The following CEP164 variants were observed in gnomAD, a reference collection of about 807,000 sequenced individuals.
CEP164 encodes centrosomal protein of 164 kDa.
A neutral mutation model predicts 182.7 loss-of-function variants in CEP164; 162 were observed. The observed-to-expected ratio is 0.89, with a 90% CI of 0.78 to 1.01. CEP164 has a LOEUF of 1.01. Ranked by LOEUF, CEP164 falls within the 50% of genes least tolerant of loss-of-function variation. CEP164 has a pLI of 0.00. For missense variants in CEP164, 1,735 were observed against 1,790.4 expected (o/e 0.97, Z 0.56); for synonymous variants, 661 against 690.0 (o/e 0.96, Z 0.66).
At chr11:117,338,528 CT>C in intron 2 of CEP164, 37 bp from the exon 3 acceptor site, 32 of 1,475,166 alleles carry the variant, frequency 2.2e-5, no homozygotes, top group Non-Finnish European at 3.0e-5. Flanking sequence ...AGCTTGGTCA[CT>C]GATTTTTCTC....
rs1441576669 is a variant in CEP164, at chr11:117,411,480, TGCTG to T, written c.4164-312_4164-309del. On this transcript the variant is annotated intron_variant, in intron 31 of 32. Coordinates refer to ENST00000278935, the MANE Select transcript of CEP164 (RefSeq NM_014956.5). This position sits in a 1 kb window ranked among gnomAD's most constrained non-coding sequence, Gnocchi z 4.4. ...ACCCTTTGGCCAACTTGAGAGCTGA[TGCTG>T]GCCAAGGATTGAGTTGACAGAGGGG... 2 of 337,852 alleles carry T rather than the reference TGCTG, an allele frequency of 5.9e-6. No homozygotes were observed. The highest frequency in any genetic ancestry group is 8.9e-5 in the Admixed American group (2 of 22,468). The allele number at this position is 337,852 out of a possible 1,614,324, so 20.9% of individuals were successfully genotyped here.
At chr11:117,330,158 C>A (rs2035968663) in intron 1 of CEP164, among the ~76,000 whole-genome samples, 1 of 152,116 alleles carries the variant, frequency 6.6e-6, no homozygotes, top group South Asian at 2.1e-4. Flanking sequence ...GTGAGGCTTT[C>A]CCTGATCTTC....
intron 27 of CEP164, among the ~76,000 whole-genome samples, chr11:117,400,806 G>C (rs548535036): frequency 1.3e-5 from 2 of 152,222 alleles, no homozygotes; most frequent in East Asian, 3.9e-4. Context: ...TTGGTGTATA[G>C]GAATGCTTAT....
intron 15 of CEP164, among the ~76,000 whole-genome samples, chr11:117,389,856 G>T (rs1008487642): frequency 6.6e-6 from 1 of 151,892 alleles, no homozygotes; most frequent in Admixed American, 6.6e-5. Context: ...TTGAGTGAGT[G>T]CCATGCTGAG....
chr11:117,322,261 G>A (rs537582847), intron 1 of CEP164, among the ~76,000 whole-genome samples: 6 of 151,726 alleles, frequency 4.0e-5, no homozygotes, highest in Non-Finnish European at 5.9e-5. Flanking sequence ...GACTACAGGC[G>A]TGTACCACCA....
chr11:117,342,384 A>G (rs900095591), intron 3 of CEP164, among the ~76,000 whole-genome samples: 6 of 152,150 alleles, frequency 3.9e-5, no homozygotes, highest in Non-Finnish European at 7.4e-5. Context: ...CAGCTTAAGC[A>G]TTGATGTCAT....
rs1464512037 is a variant in CEP164, at chr11:117,409,220, G to T, written c.3748+192G>T. The T allele has an allele frequency of 1.1e-5, 8 of 729,414 alleles. No homozygotes were observed. Among genetic ancestry groups the T allele is most frequent in the Admixed American group, 2.8e-5 (1 of 35,956 alleles). The allele number at this position is 729,414 out of a possible 1,614,324, so 45.2% of individuals were successfully genotyped here. A position where few individuals can be genotyped will look rare whatever the true frequency, so the allele number is the denominator to read the frequency against. On this transcript the variant is annotated intron_variant, in intron 29 of 32. Transcript: ENST00000278935. The surrounding 1 kb of genome is among the most constrained non-coding windows in gnomAD (Gnocchi z 4.4). ...GTTTGCCAGCACGTGGGGCTGAAAGGTCAGGGAAGCCCTCTGAATGCTGCA... is the reference window on the plus strand; with the variant it reads ...GTTTGCCAGCACGTGGGGCTGAAAGTTCAGGGAAGCCCTCTGAATGCTGCA...
At chr11:117,329,919 G>T (rs1039214313) in intron 1 of CEP164, among the ~76,000 whole-genome samples, 4 of 145,048 alleles carry the variant, frequency 2.8e-5, no homozygotes, top group Admixed American at 7.3e-5. Flanking sequence ...CTATTTTGCT[G>T]AGTGGATGAA....
intron 8 of CEP164, among the ~76,000 whole-genome samples, chr11:117,370,728 T>C (rs1200790427): frequency 6.6e-6 from 1 of 152,036 alleles, no homozygotes; most frequent in Non-Finnish European, 1.5e-5. Context: ...CTGGCCAACA[T>C]GGCAAAACCC....
chr11:117,329,032 GTC>G (rs556469771), intron 1 of CEP164, among the ~76,000 whole-genome samples: 1 of 152,154 alleles, frequency 6.6e-6, no homozygotes, highest in African/African-American at 2.4e-5. Context: ...TTCCTAAGTG[GTC>G]TCTCTGCCTC....
intron 12 of CEP164, 124 bp downstream of exon 12, chr11:117,380,829 T>G (rs2043234721): frequency 2.5e-6 from 2 of 804,006 alleles, no homozygotes; most frequent in East Asian, 5.3e-5. Flanking sequence ...GGTGATGAAC[T>G]GGCTGGATGG....
At chr11:117,408,089 G>T in intron 28 of CEP164, 57 bp downstream of exon 28, 1 of 1,358,920 alleles carries the variant, frequency 7.4e-7, no homozygotes, top group Non-Finnish European at 1.0e-6. Flanking sequence ...TCTGTTCTTG[G>T]GATTGGGTTG....
At chr11:117,363,624 C>A in intron 8 of CEP164, 118 bp downstream of exon 8, 1 of 676,330 alleles carries the variant, frequency 1.5e-6, no homozygotes, top group Non-Finnish European at 2.5e-6. Flanking sequence ...TTGTCCCAGT[C>A]CTTCCAGATG....
At chr11:117,353,578 G>T (rs1386765761) in intron 5 of CEP164, among the ~76,000 whole-genome samples, 1 of 152,138 alleles carries the variant, frequency 6.6e-6, no homozygotes, top group African/African-American at 2.4e-5. Flanking sequence ...GATTCTTAGA[G>T]CCCTCTGTTA....
chr11:117,378,735 G>A (rs925317773), intron 11 of CEP164, among the ~76,000 whole-genome samples: 2 of 152,202 alleles, frequency 1.3e-5, no homozygotes, highest in African/African-American at 4.8e-5. Context: ...CTATCAAGAG[G>A]ACCGTCCATC....
At chr11:117,395,926 G>A (rs532192811) in intron 24 of CEP164, 128 bp from the exon 25 acceptor site, 9 of 1,358,520 alleles carry the variant, frequency 6.6e-6, no homozygotes, top group Non-Finnish European at 9.1e-6. Flanking sequence ...GCTATTGTTC[G>A]TGCCTGAGCC....
Position 117,412,065 on chromosome 11 carries a change from T to A in CEP164, c.4287-7T>A, listed in dbSNP as rs977159589. The A allele has an allele frequency of 1.2e-6, 2 of 1,613,950 alleles. No homozygotes were observed. The highest frequency in any genetic ancestry group is 4.5e-5 in the East Asian group (2 of 44,876). Reference sequence around the variant, plus strand: ...GCGACTGCAGTTTTCCTTCACCTTGTGGCCAGACCTCTCTTCTCGTCAACA... The same window carrying A: ...GCGACTGCAGTTTTCCTTCACCTTGAGGCCAGACCTCTCTTCTCGTCAACA... On this transcript the variant is annotated splice_region_variant and splice_polypyrimidine_tract_variant and intron_variant, in intron 32 of 32. Coordinates refer to ENST00000278935, the MANE Select transcript of CEP164 (RefSeq NM_014956.5).
In CEP164 at chr11:117,407,974, A is replaced by G. The variant is rs1592497838; in HGVS notation, c.3551A>G (p.Asn1184Ser). ...EMKSAMRKGH[N>S]LLKKKEEKLN... ...AAGTCGGCCATGCGGAAAGGCCACA[A>G]CCTGCTGAAGAAGAAAGAGGAGAAG... The change falls in exon 28 of 33, where the codon AAC (asparagine) becomes AGC (serine). Residue 1184 changes from asparagine to serine, a missense_variant. Physicochemically the swap from Asn to Ser is conservative, Grantham distance 46. Transcript: ENST00000278935. 7 of 1,602,792 alleles carry G rather than the reference A, an allele frequency of 4.4e-6. No homozygotes were observed. Among genetic ancestry groups the G allele is most frequent in the East Asian group, 2.2e-5 (1 of 44,662 alleles).
intron 11 of CEP164, among the ~76,000 whole-genome samples, chr11:117,379,249 A>AT (rs1181134051): frequency 6.6e-6 from 1 of 152,098 alleles, no homozygotes; most frequent in Non-Finnish European, 1.5e-5. Flanking sequence ...TTTTAATGTA[A>AT]TTTGGGGGAG....
Sources: allele counts gnomAD v4.1 joint callset (sites outside exome capture counted in the v4.1 genomes callset), GRCh38; gene constraint gnomAD v4.1.1; non-coding constraint Gnocchi (gnomAD v3.1); transcripts MANE v1.5; gene names NCBI Gene and HGNC (gene_info 2026-07-23, HGNC 2026-07-21).